WNT3: variants seen among roughly 807,000 people sequenced by gnomAD.
WNT3 encodes the protein proto-oncogene Wnt-3.
In WNT3, 7 loss-of-function variants were observed where a neutral mutation model predicts 34.2. The observed-to-expected ratio is 0.20, with a 90% CI of 0.12 to 0.38. The LOEUF (loss-of-function observed/expected upper bound fraction) is 0.38. WNT3 is among the 10% of genes least tolerant of loss of function. The pLI is 1.00. For missense variants in WNT3, 267 were observed against 499.8 expected (o/e 0.53, Z 4.44); for synonymous variants, 212 against 211.5 (o/e 1.00, Z -0.02).
At chr17:46,779,103 A>ACACACACACACACACACACCCCCC (rs749719578) in intron 1 of WNT3, among the ~76,000 whole-genome samples, 3 of 133,590 alleles carry the variant, frequency 2.2e-5, no homozygotes, top group Admixed American at 1.6e-4. Context: ...ACACACACAC[A>ACACACACACACACACACACCCCCC]CCCCAGCCCA....
chr17:46,781,895 C>T (rs2059464825), intron 1 of WNT3, among the ~76,000 whole-genome samples: 1 of 152,216 alleles, frequency 6.6e-6, no homozygotes, highest in African/African-American at 2.4e-5. Flanking sequence ...CGGGGTCACA[C>T]AGCTGGCTGC....
At chr17:46,807,288 G>A (rs1270256007) in intron 1 of WNT3, among the ~76,000 whole-genome samples, 2 of 152,206 alleles carry the variant, frequency 1.3e-5, no homozygotes, top group African/African-American at 4.8e-5. Context: ...TTTGATACCA[G>A]CCTGACCAAC....
At chr17:46,770,778 A>C (rs965641309) in intron 2 of WNT3, among the ~76,000 whole-genome samples, 31 of 151,672 alleles carry the variant, frequency 2.0e-4, no homozygotes, top group African/African-American at 7.3e-4. Context: ...GAAAGGAGAG[A>C]CTCTCAAGGG....
chr17:46,788,074 G>A (rs2059527498), intron 1 of WNT3, among the ~76,000 whole-genome samples: 1 of 152,124 alleles, frequency 6.6e-6, no homozygotes, highest in Non-Finnish European at 1.5e-5. Context: ...AGGAATAGGT[G>A]TGCTGAGGGG....
chr17:46,806,134 C>G (rs781448561), intron 1 of WNT3, among the ~76,000 whole-genome samples: 2 of 152,054 alleles, frequency 1.3e-5, no homozygotes, highest in Non-Finnish European at 2.9e-5. Context: ...CCACTTGCTT[C>G]CGAGCTCCTT....
intron 4 of WNT3, among the ~76,000 whole-genome samples, chr17:46,767,230 G>A (rs537414847): frequency 6.6e-6 from 1 of 152,010 alleles, no homozygotes; most frequent in Admixed American, 6.6e-5. Flanking sequence ...GGAAGCTTGG[G>A]AACAAAATCC....
intron 1 of WNT3, among the ~76,000 whole-genome samples, chr17:46,786,523 G>A (rs552955643): frequency 6.6e-6 from 1 of 152,256 alleles, no homozygotes; most frequent in African/African-American, 2.4e-5. Context: ...AAGCCCACAG[G>A]TGGGCAAGTG....
chr17:46,784,968 G>A (rs148200460), intron 1 of WNT3, among the ~76,000 whole-genome samples: 7,551 of 151,998 alleles, frequency 0.05, 996 homozygotes, highest in East Asian at 0.47. Flanking sequence ...TAGTAGAGAC[G>A]GGGTTTCACT....
At chr17:46,815,833 C>T (rs907795985) in intron 1 of WNT3, among the ~76,000 whole-genome samples, 4 of 152,148 alleles carry the variant, frequency 2.6e-5, no homozygotes, top group African/African-American at 9.7e-5. Context: ...TGGACCTTCC[C>T]TCCAGGCCCA....
At chr17:46,772,600 G>C (rs2059383733) in intron 2 of WNT3, among the ~76,000 whole-genome samples, 1 of 152,238 alleles carries the variant, frequency 6.6e-6, no homozygotes, top group Admixed American at 6.5e-5. Context: ...GGAATAATTA[G>C]TTTTGGCAAT....
At chr17:46,791,957 T>C (rs1280529059) in intron 1 of WNT3, among the ~76,000 whole-genome samples, 1 of 152,164 alleles carries the variant, frequency 6.6e-6, no homozygotes, top group African/African-American at 2.4e-5. Context: ...GGAGGATCGC[T>C]TGAGCCCAGG....
chr17:46,779,150 T>G (rs1209868790), intron 1 of WNT3, among the ~76,000 whole-genome samples: 1 of 148,058 alleles, frequency 6.8e-6, no homozygotes, highest in African/African-American at 2.5e-5. Context: ...TGCTAGGTAT[T>G]CATGATTCTG....
chr17:46,782,664 G>C (rs2059471850), intron 1 of WNT3, among the ~76,000 whole-genome samples: 1 of 152,248 alleles, frequency 6.6e-6, no homozygotes, highest in Non-Finnish European at 1.5e-5. Flanking sequence ...ACACCGTGGG[G>C]CTGGGCCTGG....
intron 1 of WNT3, among the ~76,000 whole-genome samples, chr17:46,790,006 T>C (rs1483814112): frequency 6.6e-6 from 1 of 152,094 alleles, no homozygotes; most frequent in Non-Finnish European, 1.5e-5. Context: ...GCCCAGCACC[T>C]GGACTTCCCC....
At chr17:46,782,265 A>G (rs1219481586) in intron 1 of WNT3, among the ~76,000 whole-genome samples, 1 of 152,190 alleles carries the variant, frequency 6.6e-6, no homozygotes, top group Non-Finnish European at 1.5e-5. Flanking sequence ...TGTCTCTTAA[A>G]ATGACTGACA....
chr17:46,778,043 C>T (rs1271984465), intron 1 of WNT3, among the ~76,000 whole-genome samples: 2 of 152,174 alleles, frequency 1.3e-5, no homozygotes, highest in African/African-American at 4.8e-5. Flanking sequence ...AAAATAGACA[C>T]GACAGGAGGA....
chr17:46,796,403 T>C (rs2084055166), intron 1 of WNT3, among the ~76,000 whole-genome samples: 1 of 152,220 alleles, frequency 6.6e-6, no homozygotes, highest in South Asian at 2.1e-4. Context: ...AGGTATGTTA[T>C]CATCACCCCT....
At chr17:46,800,010 AGGGGAGTGCTGTCCCAGAGAGT>A (rs1209952370) in intron 1 of WNT3, among the ~76,000 whole-genome samples, 1 of 152,022 alleles carries the variant, frequency 6.6e-6, no homozygotes, top group Non-Finnish European at 1.5e-5. Context: ...TCACAGAGTG[AGGGGAGTGCTGTCCCAGAGAGT>A]GGGGACCAGC....
intron 1 of WNT3, among the ~76,000 whole-genome samples, chr17:46,796,838 A>C (rs1429222632): frequency 1.3e-5 from 2 of 152,150 alleles, no homozygotes. Flanking sequence ...GCATTCATTC[A>C]TTCCTTCCAC....
Sources: allele counts gnomAD v4.1 joint callset (sites outside exome capture counted in the v4.1 genomes callset), GRCh38; gene constraint gnomAD v4.1.1; transcripts MANE v1.5; gene names NCBI Gene and HGNC (gene_info 2026-07-23, HGNC 2026-07-21).